The following FGF14 variants were observed in gnomAD, a reference collection of about 807,000 sequenced individuals.
The protein encoded by FGF14 is fibroblast growth factor homologous factor 4.
In FGF14, 5 loss-of-function variants were observed where a neutral mutation model predicts 25.5. That is an observed-to-expected ratio of 0.20 (90% confidence interval 0.10 to 0.41). FGF14 has a LOEUF of 0.41. FGF14 is among the 10% of genes least tolerant of loss of function. The pLI, the probability that FGF14 is intolerant of heterozygous loss-of-function variation, is 1.00. For synonymous variants in FGF14, 138 were observed against 118.3 expected, an observed-to-expected ratio of 1.17 and a Z score of -1.08; for missense variants, 222 against 320.1, an observed-to-expected ratio of 0.69 and a Z score of 2.34.
chr13:101,915,958 C>A (rs987772628), intron 1 of FGF14, among the ~76,000 whole-genome samples: 22 of 152,324 alleles, frequency 1.4e-4, no homozygotes, highest in African/African-American at 5.3e-4. Context: ...CTGGGGGCAC[C>A]GCCAGGATAT....
At chr13:102,244,711 A>G (rs1854549290) in intron 1 of FGF14, among the ~76,000 whole-genome samples, 2 of 152,070 alleles carry the variant, frequency 1.3e-5, no homozygotes, top group African/African-American at 4.8e-5. Context: ...TCTCAAGTAA[A>G]GAATATTGAA....
At chr13:102,092,096 C>T (rs1428560366) in intron 1 of FGF14, among the ~76,000 whole-genome samples, 2 of 152,130 alleles carry the variant, frequency 1.3e-5, no homozygotes, top group Non-Finnish European at 2.9e-5. Flanking sequence ...AGCAGCATTG[C>T]CATTGCTAGG....
chr13:102,145,243 G>A (rs1237793654), intron 1 of FGF14, among the ~76,000 whole-genome samples: 2 of 152,010 alleles, frequency 1.3e-5, no homozygotes, highest in African/African-American at 4.8e-5. Context: ...GGGTTTTTTT[G>A]GCAATGATTG....
chr13:101,846,835 T>G (rs918387849), intron 3 of FGF14, among the ~76,000 whole-genome samples: 8 of 152,016 alleles, frequency 5.3e-5, no homozygotes, highest in African/African-American at 7.2e-5. Flanking sequence ...AAAATTAGCA[T>G]TACAAAAGAA....
chr13:102,045,564 A>G (rs189090194), intron 1 of FGF14, among the ~76,000 whole-genome samples: 6 of 152,280 alleles, frequency 3.9e-5, no homozygotes, highest in Non-Finnish European at 8.8e-5. Flanking sequence ...AAAAAAATTA[A>G]AAGACCATGC....
upstream of FGF14, among the ~76,000 whole-genome samples, chr13:101,917,953 C>G (rs920500970): frequency 2.2e-4 from 34 of 152,222 alleles, no homozygotes; most frequent in African/African-American, 7.7e-4. Flanking sequence ...GAGGGTGTCA[C>G]ACTATTCCAG....
chr13:102,296,799 A>T (rs772167682), intron 1 of FGF14, among the ~76,000 whole-genome samples: 1 of 152,168 alleles, frequency 6.6e-6, no homozygotes, highest in Non-Finnish European at 1.5e-5. Context: ...TGCTAAGACA[A>T]AATTAAGTGC....
chr13:101,922,578 C>T (rs1422348870), intron 1 of FGF14, among the ~76,000 whole-genome samples: 2 of 152,102 alleles, frequency 1.3e-5, no homozygotes, highest in African/African-American at 2.4e-5. Context: ...TACATCTAAT[C>T]ATGTAATCCA....
chr13:102,316,560 G>T (rs1296059707), intron 1 of FGF14, among the ~76,000 whole-genome samples: 1 of 152,102 alleles, frequency 6.6e-6, no homozygotes, highest in East Asian at 1.9e-4. Flanking sequence ...AAAACATTGA[G>T]AACCACTTAG....
intron 3 of FGF14, among the ~76,000 whole-genome samples, chr13:101,823,242 ATATGGCAATTC>A: frequency 6.7e-6 from 1 of 148,630 alleles, no homozygotes; most frequent in South Asian, 2.2e-4. Context: ...TTGCTGGGTC[ATATGGCAATTC>A]TATGTTTAAT....
chr13:102,183,983 T>TC (rs1161898694), intron 1 of FGF14, among the ~76,000 whole-genome samples: 1 of 152,128 alleles, frequency 6.6e-6, no homozygotes, highest in African/African-American at 2.4e-5. Flanking sequence ...ACCATGAATG[T>TC]CCTTCTAGGA....
intron 1 of FGF14, among the ~76,000 whole-genome samples, chr13:102,072,830 A>C (rs1303078027): frequency 6.6e-6 from 1 of 152,234 alleles, no homozygotes; most frequent in Non-Finnish European, 1.5e-5. Flanking sequence ...TCTCAAAATC[A>C]AATGTCTTAC....
At chr13:102,035,344 A>G (rs753402876) in intron 1 of FGF14, among the ~76,000 whole-genome samples, 10 of 152,168 alleles carry the variant, frequency 6.6e-5, no homozygotes, top group Non-Finnish European at 1.3e-4. Context: ...ATGAGTACAA[A>G]GAAGCCAGGT....
At chr13:102,100,031 G>A (rs113436077) in intron 1 of FGF14, among the ~76,000 whole-genome samples, 46 of 152,300 alleles carry the variant, frequency 3.0e-4, no homozygotes, top group African/African-American at 1.0e-3. Context: ...GAATTGGGAT[G>A]AGGCTAGGAG....
chr13:101,734,208 C>T (rs1337492590), intron 3 of FGF14, among the ~76,000 whole-genome samples: 2 of 152,024 alleles, frequency 1.3e-5, no homozygotes, highest in Non-Finnish European at 2.9e-5. Context: ...AAAATTGGGA[C>T]ATATTGGCAT....
At chr13:101,971,071 C>A (rs1349383037) in intron 1 of FGF14, among the ~76,000 whole-genome samples, 1 of 152,124 alleles carries the variant, frequency 6.6e-6, no homozygotes, top group African/African-American at 2.4e-5. Context: ...AGAGATCGAA[C>A]CTTCAGAGGA....
At chr13:102,014,916 C>CATTT (rs776692372) in intron 1 of FGF14, among the ~76,000 whole-genome samples, 2 of 152,100 alleles carry the variant, frequency 1.3e-5, no homozygotes, top group African/African-American at 4.8e-5. Context: ...GCTAAACATT[C>CATTT]ATTTATTTAT....
intron 3 of FGF14, among the ~76,000 whole-genome samples, chr13:101,842,083 T>G (rs1020407228): frequency 2.0e-5 from 3 of 152,014 alleles, no homozygotes; most frequent in Non-Finnish European, 4.4e-5. Flanking sequence ...TTATTGCTCA[T>G]TTGGTGTGGT....
chr13:102,143,274 T>TG (rs1342769305), intron 1 of FGF14, among the ~76,000 whole-genome samples: 2 of 152,142 alleles, frequency 1.3e-5, no homozygotes, highest in South Asian at 2.1e-4. Flanking sequence ...TTCACAAGTA[T>TG]GGGGGGTTAG....
Sources: allele counts gnomAD v4.1 joint callset (sites outside exome capture counted in the v4.1 genomes callset), GRCh38; gene constraint gnomAD v4.1.1; transcripts MANE v1.5; gene names NCBI Gene and HGNC (gene_info 2026-07-23, HGNC 2026-07-21).